The following FGF13 variants were observed in gnomAD, a reference collection of about 807,000 sequenced individuals.
The protein encoded by FGF13 is fibroblast growth factor 13.
FGF13 carries 2 observed loss-of-function variants against 19.5 expected under a neutral mutation model. That is an observed-to-expected ratio of 0.10 (90% CI 0.04 to 0.32). FGF13 has a LOEUF of 0.32. Ranked by LOEUF, FGF13 falls within the 10% of genes least tolerant of loss-of-function variation. The pLI is 1.00. For missense variants in FGF13, 113 were observed against 192.7 expected (o/e 0.59, Z 2.45); for synonymous variants, 72 against 76.9 (o/e 0.94, Z 0.33).
At chrX:139,028,688 A>ATGTGTGTGT (rs2092213510) in intron 1 of FGF13, among the ~76,000 whole-genome samples, 2 of 80,690 alleles carry the variant, frequency 2.5e-5, no homozygotes, top group Admixed American at 2.8e-4. Flanking sequence ...TGTGAAAGAC[A>ATGTGTGTGT]GTGTGTGTGT....
intron 3 of FGF13, among the ~76,000 whole-genome samples, chrX:138,770,322 C>T (rs2090535517): frequency 9.0e-6 from 1 of 111,007 alleles, no homozygotes; most frequent in Admixed American, 9.6e-5. Flanking sequence ...ACACCCTCAG[C>T]CCCCCACTTT....
intron 1 of FGF13, among the ~76,000 whole-genome samples, chrX:139,049,628 G>T (rs1746902541): frequency 8.9e-6 from 1 of 112,569 alleles, no homozygotes; most frequent in African/African-American, 3.2e-5. Context: ...CTTGCCATGA[G>T]TCACAATGGC....
intron 1 of FGF13, among the ~76,000 whole-genome samples, chrX:138,932,305 G>C (rs1287983688): frequency 8.9e-6 from 1 of 112,135 alleles, no homozygotes; most frequent in African/African-American, 3.2e-5. Context: ...CCCCAGCCGA[G>C]TGCAATGGCT....
intron 1 of FGF13, among the ~76,000 whole-genome samples, chrX:138,934,143 CT>C (rs1263009248): frequency 8.9e-6 from 1 of 111,992 alleles, no homozygotes; most frequent in Non-Finnish European, 1.9e-5. Context: ...CCACAAAGAA[CT>C]CTGCAAAGTT....
intron 1 of FGF13, among the ~76,000 whole-genome samples, chrX:139,175,076 C>T (rs2084169327): frequency 9.0e-6 from 1 of 111,475 alleles, no homozygotes; most frequent in Non-Finnish European, 1.9e-5. Flanking sequence ...TTTCCTTGAG[C>T]AGTGGTTTGT....
intron 1 of FGF13, among the ~76,000 whole-genome samples, chrX:138,880,265 C>G (rs938321546): frequency 2.7e-5 from 3 of 111,893 alleles, no homozygotes; most frequent in Admixed American, 9.5e-5. Context: ...TTGTGGAAGA[C>G]AGTGTGGCCA....
chrX:139,182,144 C>G (rs1473231082), intron 1 of FGF13, among the ~76,000 whole-genome samples: 1 of 111,876 alleles, frequency 8.9e-6, no homozygotes, highest in Non-Finnish European at 1.9e-5. Context: ...TTAATACACA[C>G]AACAACCCAG....
intron 1 of FGF13, among the ~76,000 whole-genome samples, chrX:138,932,891 T>C (rs978424064): frequency 9.0e-6 from 1 of 110,722 alleles, no homozygotes; most frequent in Non-Finnish European, 1.9e-5. Context: ...GACACCTATA[T>C]CTCCTCCAGC....
At chrX:138,796,255 C>G (rs536961233) in intron 3 of FGF13, among the ~76,000 whole-genome samples, 1 of 110,880 alleles carries the variant, frequency 9.0e-6, no homozygotes, top group African/African-American at 3.3e-5. Context: ...GGTGTGTGAT[C>G]TTCCCCTCCA....
chrX:139,151,015 T>C (rs1049295928), intron 1 of FGF13, among the ~76,000 whole-genome samples: 1 of 110,210 alleles, frequency 9.1e-6, no homozygotes, highest in Admixed American at 9.7e-5. Flanking sequence ...TTAAGACTCC[T>C]AAGAGGACAC....
intron 1 of FGF13, among the ~76,000 whole-genome samples, chrX:139,062,265 C>T (rs2092338913): frequency 9.0e-6 from 1 of 111,378 alleles, no homozygotes; most frequent in Non-Finnish European, 1.9e-5. Flanking sequence ...GATCTTGTTT[C>T]ATTTTTTTGC....
At chrX:138,683,705 T>C (rs2089751809) in intron 3 of FGF13, among the ~76,000 whole-genome samples, 1 of 111,607 alleles carries the variant, frequency 9.0e-6, no homozygotes, top group African/African-American at 3.3e-5. Flanking sequence ...TCCCTTTACA[T>C]AGAGCAAATT....
chrX:138,805,684 A>T (rs1602883523), intron 3 of FGF13, among the ~76,000 whole-genome samples: 1 of 112,282 alleles, frequency 8.9e-6, no homozygotes, highest in African/African-American at 3.2e-5. Flanking sequence ...TCTTCAAAAA[A>T]TTTTATTTTA....
intron 3 of FGF13, among the ~76,000 whole-genome samples, chrX:138,652,043 A>G (rs1221938584): frequency 8.9e-6 from 1 of 111,867 alleles, no homozygotes; most frequent in Non-Finnish European, 1.9e-5. Context: ...GGCCTATGAG[A>G]TCATCTGTGA....
intron 1 of FGF13, among the ~76,000 whole-genome samples, chrX:138,901,194 T>C (rs1603015659): frequency 8.9e-6 from 1 of 112,157 alleles, no homozygotes; most frequent in Non-Finnish European, 1.9e-5. Context: ...AATCAGTAAG[T>C]ATGTGCTAAA....
chrX:138,745,132 T>C (rs2090346118), intron 3 of FGF13, among the ~76,000 whole-genome samples: 1 of 112,175 alleles, frequency 8.9e-6, no homozygotes, highest in African/African-American at 3.2e-5. Context: ...GTTGTGTTTC[T>C]GACATCATAC....
chrX:138,854,408 T>G (rs1020899139), downstream of FGF13, among the ~76,000 whole-genome samples: 1 of 111,508 alleles, frequency 9.0e-6, no homozygotes, highest in African/African-American at 3.3e-5. Context: ...TTATTTTATA[T>G]GGATTCTGAG....
At chrX:138,875,625 C>G (rs1033154154) in intron 1 of FGF13, among the ~76,000 whole-genome samples, 1 of 111,544 alleles carries the variant, frequency 9.0e-6, no homozygotes, top group East Asian at 2.8e-4. Flanking sequence ...CTGAGTAAAG[C>G]AGATTACTCT....
At chrX:138,638,363 C>T (rs1432890723) in intron 3 of FGF13, among the ~76,000 whole-genome samples, 1 of 111,870 alleles carries the variant, frequency 8.9e-6, no homozygotes, top group African/African-American at 3.3e-5. Flanking sequence ...CTTAGAATGT[C>T]ATTCCTTTGT....
Sources: allele counts gnomAD v4.1 joint callset (sites outside exome capture counted in the v4.1 genomes callset), GRCh38; gene constraint gnomAD v4.1.1; transcripts MANE v1.5; gene names NCBI Gene and HGNC (gene_info 2026-07-23, HGNC 2026-07-21).